AGBL4: variants seen among roughly 807,000 people sequenced by gnomAD.
AGBL4 encodes AGBL carboxypeptidase 4.
In AGBL4, 58 loss-of-function variants were observed where a neutral mutation model predicts 66.4. That is an observed-to-expected ratio of 0.87 (90% confidence interval 0.71 to 1.09). The LOEUF is 1.09. Ranked by LOEUF, AGBL4 falls within the 50% of genes least tolerant of loss-of-function variation. AGBL4 has a pLI of 0.00. For synonymous variants in AGBL4, 234 were observed against 222.9 expected (o/e 1.05, Z -0.44); for missense variants, 579 against 631.0 (o/e 0.92, Z 0.88).
rs868678002 is a variant in AGBL4, at chr1:49,362,769, G to A, written c.283-116905C>T. ...CAATCTCCATTTGCAGGTCCCAAAGGAATGTATCCAGTAATGATCTTTAGA... is the reference window on the plus strand; with the variant it reads ...CAATCTCCATTTGCAGGTCCCAAAGAAATGTATCCAGTAATGATCTTTAGA... On this transcript the variant is annotated intron_variant, in intron 3 of 13. Coordinates refer to ENST00000371839, the MANE Select transcript of AGBL4 (RefSeq NM_032785.4). 5.9e-5 allele frequency among the ~76,000 whole-genome samples: 9 copies of A among 152,268 alleles called. 1 individual carries two copies. The Middle Eastern group carries it at 0.01, about 173-fold the overall frequency.
intron 3 of AGBL4, among the ~76,000 whole-genome samples, chr1:49,305,460 G>A (rs1201900395): frequency 1.3e-5 from 2 of 152,064 alleles, no homozygotes; most frequent in Non-Finnish European, 2.9e-5. Flanking sequence ...CTCAAATACT[G>A]TATTTTCTAT....
intron 6 of AGBL4, among the ~76,000 whole-genome samples, chr1:48,769,991 T>C (rs922728566): frequency 6.6e-6 from 1 of 152,200 alleles, no homozygotes; most frequent in African/African-American, 2.4e-5. Context: ...TCTCCCATAG[T>C]GCAGGGTTCC....
intron 4 of AGBL4, among the ~76,000 whole-genome samples, chr1:49,227,348 A>G (rs1326399073): frequency 6.6e-6 from 1 of 152,136 alleles, no homozygotes; most frequent in East Asian, 1.9e-4. Context: ...CTTCCTTGCT[A>G]TCCCTGGTGC....
At chr1:49,570,229 C>T (rs1426495738) in intron 3 of AGBL4, among the ~76,000 whole-genome samples, 1 of 152,070 alleles carries the variant, frequency 6.6e-6, no homozygotes, top group Admixed American at 6.6e-5. Flanking sequence ...TTCTCCACAC[C>T]TTCACCAACA....
chr1:49,630,651 C>T (rs929609085), intron 3 of AGBL4, among the ~76,000 whole-genome samples: 3 of 152,176 alleles, frequency 2.0e-5, no homozygotes, highest in Non-Finnish European at 4.4e-5. Context: ...GAAACCCAAT[C>T]TCCTGGCTCC....
chr1:49,322,358 T>C (rs1645146346), intron 3 of AGBL4, among the ~76,000 whole-genome samples: 1 of 152,194 alleles, frequency 6.6e-6, no homozygotes, highest in African/African-American at 2.4e-5. Context: ...TAACATAATC[T>C]TCAGTGAATG....
Position 48,621,411 on chromosome 1 carries a change from A to C in AGBL4, c.951+13082T>G, listed in dbSNP as rs147476417. 3.9e-5 allele frequency among the ~76,000 whole-genome samples: 6 copies of C among 152,330 alleles called. No individual in the cohort carries two copies. In the East Asian group the frequency reaches 1.2e-3, roughly 29 times the overall value. On this transcript the variant is annotated intron_variant, in intron 9 of 13. Coordinates refer to ENST00000371839, the MANE Select transcript of AGBL4 (RefSeq NM_032785.4). ...AATGAGTTTTGTTCTGTTTTATAAA[A>C]TAAAGCTCCTCCTCATATGTGGGTG...
intron 6 of AGBL4, among the ~76,000 whole-genome samples, chr1:48,669,017 G>C (rs1373630476): frequency 6.6e-6 from 1 of 152,150 alleles, no homozygotes; most frequent in East Asian, 1.9e-4. Context: ...CAAGAGGAAA[G>C]GGCTAGGTGA....
intron 6 of AGBL4, among the ~76,000 whole-genome samples, chr1:48,678,081 GAT>G (rs1376578258): frequency 6.6e-6 from 1 of 152,208 alleles, no homozygotes; most frequent in Non-Finnish European, 1.5e-5. Context: ...CGGGAGCTCT[GAT>G]GGGGCAGTGA....
rs374786189 is a variant in AGBL4, at chr1:49,574,069, C to T, written c.282+123244G>A. On this transcript the variant is annotated intron_variant, in intron 3 of 13. Coordinates refer to ENST00000371839, the MANE Select transcript of AGBL4 (RefSeq NM_032785.4). ...TTCTCTTCAGGAGCCACCCCAACAC[C>T]GCTGTTTGCTTCTAGACCTATAACT... is the stretch of plus-strand genomic sequence containing the variant. 1.6e-3 allele frequency among the ~76,000 whole-genome samples: 248 copies of T among 152,210 alleles called. 1 individual carries two copies. The highest frequency in any genetic ancestry group is 5.1e-3 in the African/African-American group (211 of 41,538).
chr1:49,334,533 A>T (rs1007660559), intron 3 of AGBL4, among the ~76,000 whole-genome samples: 14 of 152,212 alleles, frequency 9.2e-5, no homozygotes, highest in African/African-American at 3.4e-4. Context: ...TGTCCCAGCT[A>T]ATCCGAGTGT....
chr1:49,011,842 G>A (rs1241011622), intron 5 of AGBL4, among the ~76,000 whole-genome samples: 1 of 138,224 alleles, frequency 7.2e-6, no homozygotes, highest in African/African-American at 2.7e-5. Flanking sequence ...GAGATCACAT[G>A]GACACAGGAA....
chr1:48,929,042 T>C (rs971116695), intron 5 of AGBL4, among the ~76,000 whole-genome samples: 4 of 152,196 alleles, frequency 2.6e-5, no homozygotes, highest in African/African-American at 7.2e-5. Context: ...TTGGTTCTGC[T>C]ACCTGCCTAC....
intron 6 of AGBL4, among the ~76,000 whole-genome samples, chr1:48,686,670 C>T (rs554125480): frequency 3.9e-4 from 60 of 152,288 alleles, no homozygotes; most frequent in Non-Finnish European, 6.5e-4. Flanking sequence ...CTGTGACACA[C>T]GGTGGGGACT....
chr1:49,934,177 A>C (rs1369305542), intron 1 of AGBL4, among the ~76,000 whole-genome samples: 1 of 152,202 alleles, frequency 6.6e-6, no homozygotes, highest in Non-Finnish European at 1.5e-5. Flanking sequence ...ATATAAACAG[A>C]ACTGAAAGGA....
chr1:48,943,215 C>A (rs1656162304), intron 5 of AGBL4, among the ~76,000 whole-genome samples: 1 of 152,174 alleles, frequency 6.6e-6, no homozygotes, highest in Non-Finnish European at 1.5e-5. Context: ...GTCCCTGCCC[C>A]CATAGCGCCT....
chr1:49,246,704 A>G (rs1651668620), intron 3 of AGBL4, among the ~76,000 whole-genome samples: 1 of 151,958 alleles, frequency 6.6e-6, no homozygotes, highest in Non-Finnish European at 1.5e-5. Flanking sequence ...ATTGTGAAAG[A>G]GAAGAGAAAT....
chr1:49,867,394 G>C (rs1646729037), intron 1 of AGBL4, among the ~76,000 whole-genome samples: 1 of 150,470 alleles, frequency 6.6e-6, no homozygotes, highest in Non-Finnish European at 1.5e-5. Flanking sequence ...CAACATGCAG[G>C]TTTGTTACAT....
At chr1:49,931,624 G>C (rs1346636584) in intron 1 of AGBL4, among the ~76,000 whole-genome samples, 1 of 152,102 alleles carries the variant, frequency 6.6e-6, no homozygotes, top group African/African-American at 2.4e-5. Context: ...AACACATGGG[G>C]AATGCAATTT....
Sources: allele counts gnomAD v4.1 joint callset (sites outside exome capture counted in the v4.1 genomes callset), GRCh38; gene constraint gnomAD v4.1.1; transcripts MANE v1.5; gene names NCBI Gene and HGNC (gene_info 2026-07-23, HGNC 2026-07-21).